Variants in UBASH3B observed in about 807,000 individuals in gnomAD.
UBASH3B encodes ubiquitin associated and SH3 domain containing B.
A neutral mutation model predicts 83.4 loss-of-function variants in UBASH3B; 37 were observed. That is an observed-to-expected ratio of 0.44 (90% CI 0.34 to 0.58). UBASH3B has a LOEUF of 0.58. Among genes scored for constraint, UBASH3B ranks in the 20% least tolerant of loss-of-function variants. The pLI, the probability that UBASH3B is intolerant of heterozygous loss-of-function variation, is 0.01. For synonymous variants in UBASH3B, 304 were observed against 318.3 expected, an observed-to-expected ratio of 0.96 and a Z score of 0.48; for missense variants, 657 against 827.2, an observed-to-expected ratio of 0.79 and a Z score of 2.52.
chr11:122,793,062 G>A (rs1861087864), intron 6 of UBASH3B, among the ~76,000 whole-genome samples: 1 of 152,110 alleles, frequency 6.6e-6, no homozygotes, highest in Non-Finnish European at 1.5e-5. Flanking sequence ...TATTATATTG[G>A]TGAATATAAA....
chr11:122,774,875 C>A (rs995003798), intron 1 of UBASH3B, among the ~76,000 whole-genome samples: 1 of 152,150 alleles, frequency 6.6e-6, no homozygotes, highest in African/African-American at 2.4e-5. Flanking sequence ...ATCCACCCCA[C>A]CCAGATGTGT....
intron 1 of UBASH3B, among the ~76,000 whole-genome samples, chr11:122,657,163 C>T (rs566854059): frequency 7.2e-5 from 11 of 152,348 alleles, no homozygotes; most frequent in African/African-American, 2.6e-4. Flanking sequence ...GGACTGGGCG[C>T]AGCTTCTTTT....
chr11:122,665,193 G>A (rs994014534), intron 1 of UBASH3B, among the ~76,000 whole-genome samples: 2 of 151,654 alleles, frequency 1.3e-5, no homozygotes, highest in Admixed American at 6.6e-5. Flanking sequence ...CACTGCGCCC[G>A]GCTCGTGTGT....
intron 10 of UBASH3B, among the ~76,000 whole-genome samples, chr11:122,800,981 CTG>C (rs1490211008): frequency 9.2e-5 from 14 of 152,156 alleles, no homozygotes; most frequent in Admixed American, 8.5e-4. Context: ...AGCATACATC[CTG>C]GGGGTACGGC....
intron 1 of UBASH3B, among the ~76,000 whole-genome samples, chr11:122,770,830 A>G (rs1860629535): frequency 6.6e-6 from 1 of 152,210 alleles, no homozygotes; most frequent in African/African-American, 2.4e-5. Flanking sequence ...ATCATTGCCA[A>G]TATCCTCATT....
intron 10 of UBASH3B, 90 bp from the exon 11 acceptor site, chr11:122,801,098 G>A: frequency 2.0e-6 from 3 of 1,496,790 alleles, no homozygotes; most frequent in Non-Finnish European, 1.8e-6. Flanking sequence ...CAGTAGGAAA[G>A]AGAATAGCTG....
At position 122,811,841 on chromosome 11, in the gene UBASH3B, G is replaced by A. The variant is rs954023357; in HGVS notation, c.*1955G>A. On this transcript the variant is annotated 3_prime_UTR_variant, in exon 14 of 14. Coordinates refer to ENST00000284273, the MANE Select transcript of UBASH3B (RefSeq NM_032873.5). ...AAAGTCACATTACAAGTAATGTAATGGCTCTACCATTCATTCTTCTGGTAT... is the reference window on the plus strand; with the variant it reads ...AAAGTCACATTACAAGTAATGTAATAGCTCTACCATTCATTCTTCTGGTAT... The A allele has an allele frequency of 6.6e-6, 1 of 152,108 alleles. No individual in the cohort carries two copies. Among genetic ancestry groups the A allele is most frequent in the Non-Finnish European group, 1.5e-5 (1 of 68,030 alleles). 9.4% of individuals were successfully genotyped at this position (152,108 alleles called of 1,614,324 possible).
intron 1 of UBASH3B, among the ~76,000 whole-genome samples, chr11:122,705,454 T>TAAAAA (rs60998227): frequency 1.7e-5 from 1 of 59,542 alleles, no homozygotes; most frequent in Non-Finnish European, 3.5e-5. Context: ...TCGAAAAACA[T>TAAAAA]AAAAAAAAAA....
At chr11:122,674,238 T>C (rs1333363013) in intron 1 of UBASH3B, among the ~76,000 whole-genome samples, 1 of 151,966 alleles carries the variant, frequency 6.6e-6, no homozygotes, top group East Asian at 1.9e-4. Context: ...ATAACTCGAG[T>C]TGGGGCCCCT....
chr11:122,709,960 C>T (rs538716921), intron 1 of UBASH3B, among the ~76,000 whole-genome samples: 3 of 151,878 alleles, frequency 2.0e-5, no homozygotes, highest in South Asian at 2.1e-4. Context: ...AGTTCGAGAC[C>T]GCCTGGCCAA....
chr11:122,750,960 G>A (rs767041771), intron 1 of UBASH3B, among the ~76,000 whole-genome samples: 5 of 152,198 alleles, frequency 3.3e-5, no homozygotes, highest in Non-Finnish European at 7.3e-5. Flanking sequence ...CCTGAGAAAG[G>A]TGCATTGAAC....
intron 11 of UBASH3B, among the ~76,000 whole-genome samples, chr11:122,804,485 C>A (rs12287912): frequency 0.4 from 60,670 of 151,990 alleles, 15,398 homozygotes; most frequent in African/African-American, 0.71. Context: ...TGTAGAGGAT[C>A]GGCTCACAGG....
chr11:122,784,338 A>G (rs2135153360), intron 5 of UBASH3B, among the ~76,000 whole-genome samples: 1 of 152,304 alleles, frequency 6.6e-6, no homozygotes, highest in East Asian at 1.9e-4. Context: ...TATTTTGACC[A>G]ATAAAGAAGG....
At position 122,704,222 on chromosome 11, in the gene UBASH3B, A is replaced by G. The variant is rs531464840; in HGVS notation, c.161+48012A>G. 3.3e-5 allele frequency among the ~76,000 whole-genome samples: 5 copies of G among 152,298 alleles called. No individual in the cohort carries two copies. The South Asian group carries it at 1.0e-3, about 32-fold the overall frequency. On this transcript the variant is annotated intron_variant, in intron 1 of 13. Coordinates refer to ENST00000284273, the MANE Select transcript of UBASH3B (RefSeq NM_032873.5). ...GTTGAACAGTCTAACTTGGTGTCAT[A>G]TGGAGCATCTGAATCACAGTCTCTT...
chr11:122,765,846 C>T (rs1181561872), intron 1 of UBASH3B, among the ~76,000 whole-genome samples: 1 of 152,202 alleles, frequency 6.6e-6, no homozygotes, highest in African/African-American at 2.4e-5. Flanking sequence ...TGTCTTCACC[C>T]TCCCTTTACA....
Position 122,808,056 on chromosome 11 carries a change from T to C in UBASH3B, c.1703-11T>C. The C allele has an allele frequency of 1.2e-6, 2 of 1,609,156 alleles. No individual in the cohort carries two copies. Among genetic ancestry groups the C allele is most frequent in the South Asian group, 1.1e-5 (1 of 90,944 alleles). On this transcript the variant is annotated splice_polypyrimidine_tract_variant and intron_variant, in intron 12 of 13. Transcript: ENST00000284273. ...GAAACAGTCTTCCCATACCTTGCCATTTTCCCCCAGGAAATAACATCCTGA... is the reference window on the plus strand; with the variant it reads ...GAAACAGTCTTCCCATACCTTGCCACTTTCCCCCAGGAAATAACATCCTGA...
chr11:122,711,984 G>A lies in UBASH3B; in HGVS notation c.161+55774G>A, dbSNP rs1333195178. Among the ~76,000 whole-genome samples, 5 of 151,130 alleles carry A rather than the reference G, an allele frequency of 3.3e-5. No individual in the cohort carries two copies. In the South Asian group the frequency reaches 8.4e-4, roughly 25 times the overall value. On this transcript the variant is annotated intron_variant, in intron 1 of 13. Transcript: ENST00000284273. ...AAAGACCATCTAGAAAGGACAGCCC[G>A]CAGCTTCCCCTTGGTTTGAAGCCAA...
At chr11:122,800,269 G>A (rs956343346) in intron 10 of UBASH3B, among the ~76,000 whole-genome samples, 1 of 151,992 alleles carries the variant, frequency 6.6e-6, no homozygotes, top group African/African-American at 2.4e-5. Context: ...GCCAGGCGCA[G>A]TGGCTCACGC....
chr11:122,741,245 A>T (rs1861019372), intron 1 of UBASH3B, among the ~76,000 whole-genome samples: 1 of 152,238 alleles, frequency 6.6e-6, no homozygotes, highest in South Asian at 2.1e-4. Context: ...CAGTTCATAG[A>T]ATATTTTCAT....
Sources: allele counts gnomAD v4.1 joint callset (sites outside exome capture counted in the v4.1 genomes callset), GRCh38; gene constraint gnomAD v4.1.1; transcripts MANE v1.5; gene names NCBI Gene and HGNC (gene_info 2026-07-23, HGNC 2026-07-21).